Variants in AGMO observed in about 807,000 individuals in gnomAD.
The protein encoded by AGMO is alkylglycerol monooxygenase, also known as glyceryl-ether monooxygenase.
AGMO carries 75 observed loss-of-function variants against 60.2 expected under a neutral mutation model. That is an observed-to-expected ratio of 1.25 (90% CI 1.03 to 1.51). The LOEUF is 1.51. Ranked by LOEUF, AGMO falls within the 40% of genes most tolerant of loss-of-function variation. The pLI is 0.00. For missense variants in AGMO, 763 were observed against 525.5 expected (o/e 1.45, Z -4.42); for synonymous variants, 261 against 177.1 (o/e 1.47, Z -3.76).
chr7:15,147,045 T>C, the AGMO span, among the ~76,000 whole-genome samples: 2 of 152,038 alleles, frequency 1.3e-5, no homozygotes, highest in African/African-American at 4.8e-5. Context: ...GCTTAAAGAA[T>C]AGTAAAGTGC....
intron 12 of AGMO, among the ~76,000 whole-genome samples, chr7:15,324,994 A>G (rs1373342100): frequency 6.6e-6 from 1 of 152,176 alleles, no homozygotes. Context: ...GTAAAATTAA[A>G]AATTAAAAAA....
At chr7:15,366,426 A>G (rs1366542338) in intron 10 of AGMO, among the ~76,000 whole-genome samples, 1 of 152,138 alleles carries the variant, frequency 6.6e-6, no homozygotes, top group African/African-American at 2.4e-5. Flanking sequence ...GGAGAATTAG[A>G]CAATTCCATA....
At chr7:15,355,338 T>G (rs1040567243) in intron 12 of AGMO, among the ~76,000 whole-genome samples, 13 of 151,612 alleles carry the variant, frequency 8.6e-5, no homozygotes, top group Non-Finnish European at 1.9e-4. Flanking sequence ...CTGTCTCTAC[T>G]AAAAATACAA....
intron 6 of AGMO, among the ~76,000 whole-genome samples, chr7:15,392,262 A>G (rs142259797): frequency 0.075 from 11,400 of 151,414 alleles, 541 homozygotes; most frequent in East Asian, 0.14. Flanking sequence ...TTTAGTAGAG[A>G]TGGGGTTTCA....
intron 3 of AGMO, among the ~76,000 whole-genome samples, chr7:15,485,904 G>T (rs892849123): frequency 6.6e-6 from 1 of 151,910 alleles, no homozygotes; most frequent in South Asian, 2.1e-4. Flanking sequence ...TATTCTAAGG[G>T]TTTAGGCATA....
At chr7:15,300,474 T>A (rs76358116) in intron 12 of AGMO, among the ~76,000 whole-genome samples, 2,441 of 152,260 alleles carry the variant, frequency 0.016, 71 homozygotes, top group African/African-American at 0.056. Context: ...GCTGACACAT[T>A]CATTGTTATT....
chr7:15,361,722 G>A (rs1008345965), intron 12 of AGMO, among the ~76,000 whole-genome samples: 2 of 151,792 alleles, frequency 1.3e-5, no homozygotes, highest in Non-Finnish European at 2.9e-5. Context: ...TATTTTCTCC[G>A]CATCGAACAG....
Position 15,421,418 on chromosome 7 carries a change from C to T in AGMO, c.514-2765G>A, listed in dbSNP as rs191600103. 7.7e-3 allele frequency among the ~76,000 whole-genome samples: 1,166 copies of T among 152,200 alleles called. 6 individuals carry two copies. The highest frequency in any genetic ancestry group is 0.012 in the Non-Finnish European group (824 of 68,010). ...TTGGGCATAAGGAAACAATTCACAT[C>T]TTTTTAAGCATGTAAGAGATGGAAA... is the stretch of plus-strand genomic sequence containing the variant. On this transcript the variant is annotated intron_variant, in intron 4 of 12. Coordinates refer to ENST00000342526, the MANE Select transcript of AGMO (RefSeq NM_001004320.2).
intron 12 of AGMO, among the ~76,000 whole-genome samples, chr7:15,223,168 C>A (rs1781975353): frequency 6.6e-6 from 1 of 151,870 alleles, no homozygotes; most frequent in Non-Finnish European, 1.5e-5. Flanking sequence ...GCTCAAAAGG[C>A]TATTTAAATA....
intron 12 of AGMO, among the ~76,000 whole-genome samples, chr7:15,302,432 G>A (rs775192183): frequency 2.6e-5 from 4 of 151,974 alleles, no homozygotes; most frequent in Non-Finnish European, 4.4e-5. Flanking sequence ...GGCAATAAAA[G>A]GTATACAGTA....
chr7:15,209,980 G>C (rs1444495333), intron 12 of AGMO, among the ~76,000 whole-genome samples: 2 of 152,020 alleles, frequency 1.3e-5, no homozygotes, highest in African/African-American at 4.8e-5. Context: ...AAAAAGGTGT[G>C]AGCCTGTATC....
Position 15,385,506 on chromosome 7 carries a change from A to G in AGMO, c.1014T>C (p.Tyr338=). The stretch of plus-strand genomic sequence containing the variant: ...ACATCAGAGCAAACTGTACAACTGT[A>G]TATATCTTTAATAGCTGAGATGAAG... ...SSSSSQLLKI[Y]TVVQFALMLA... is the part of the protein sequence containing the mutation. The change falls in exon 10 of 13, where the codon TAT becomes TAC. Residue 338 remains tyrosine, a synonymous_variant. Transcript: ENST00000342526. 1.2e-6 allele frequency: 2 copies of G among 1,613,368 alleles called. No individual in the cohort carries two copies. Among genetic ancestry groups the G allele is most frequent in the Non-Finnish European group, 1.7e-6 (2 of 1,179,494 alleles).
At chr7:15,431,971 T>G (rs1781254350) in intron 3 of AGMO, among the ~76,000 whole-genome samples, 1 of 151,796 alleles carries the variant, frequency 6.6e-6, no homozygotes. Flanking sequence ...TTTTAAAAAT[T>G]GTATTGCCAT....
intron 5 of AGMO, among the ~76,000 whole-genome samples, chr7:15,406,986 GTGTGTATATATATGGAATATACATATATA>G (rs1448297132): frequency 7.8e-5 from 11 of 140,292 alleles, no homozygotes; most frequent in South Asian, 4.4e-4. Context: ...GTACACATGT[GTGTGTATATATATGGAATATACATATATA>G]TGTGTATATA....
intron 12 of AGMO, among the ~76,000 whole-genome samples, chr7:15,235,525 A>G (rs1782391078): frequency 6.6e-6 from 1 of 152,192 alleles, no homozygotes; most frequent in Admixed American, 6.5e-5. Flanking sequence ...GATGCTGTTC[A>G]TAGACGACTA....
chr7:15,558,411 A>G (rs1236783177), intron 2 of AGMO, among the ~76,000 whole-genome samples: 1 of 152,074 alleles, frequency 6.6e-6, no homozygotes, highest in Non-Finnish European at 1.5e-5. Context: ...TAACCTATAC[A>G]CTTAACTTTC....
At chr7:15,319,074 C>A (rs1043617720) in intron 12 of AGMO, among the ~76,000 whole-genome samples, 11 of 152,148 alleles carry the variant, frequency 7.2e-5, no homozygotes, top group African/African-American at 1.9e-4. Context: ...CGTTTCTCTA[C>A]TGGCCTCATT....
At chr7:15,265,437 A>T (rs1176891367) in intron 12 of AGMO, among the ~76,000 whole-genome samples, 1 of 151,994 alleles carries the variant, frequency 6.6e-6, no homozygotes. Context: ...TTAATCTAGA[A>T]TACACTATTA....
At chr7:15,282,020 C>T (rs563105008) in intron 12 of AGMO, among the ~76,000 whole-genome samples, 1 of 152,020 alleles carries the variant, frequency 6.6e-6, no homozygotes, top group South Asian at 2.1e-4. Flanking sequence ...TTTCAATCTG[C>T]TATAAAAATT....
Sources: gnomAD v4.1 joint callset for allele counts (sites outside exome capture counted in the v4.1 genomes callset) on GRCh38, gnomAD v4.1.1 for gene constraint, MANE v1.5 for transcripts, NCBI Gene and HGNC (gene_info 2026-07-23, HGNC 2026-07-21) for gene names.